PLPPR3: variants seen among roughly 807,000 people sequenced by gnomAD.
PLPPR3 encodes phospholipid phosphatase-related protein type 3.
PLPPR3 carries 14 observed loss-of-function variants against 27.3 expected under a neutral mutation model. The ratio of observed to expected loss-of-function variants is 0.51; its 90% CI spans 0.34 to 0.80. PLPPR3 has a LOEUF of 0.80. Among genes scored for constraint, PLPPR3 ranks in the 30% least tolerant of loss-of-function variants. The pLI is 0.01. For synonymous variants in PLPPR3, 671 were observed against 508.0 expected (o/e 1.32, Z -4.32); for missense variants, 1,287 against 1,056.9 (o/e 1.22, Z -3.02).
chr19:823,458 A>AAACAAAAAAAC (rs2035179509), upstream of PLPPR3, among the ~76,000 whole-genome samples: 1 of 150,888 alleles, frequency 6.6e-6, no homozygotes, highest in Non-Finnish European at 1.5e-5. Flanking sequence ...AAAAAAAAAA[A>AAACAAAAAAAC]CAAACAAACA....
intron 2 of PLPPR3, among the ~76,000 whole-genome samples, chr19:817,364 CCAGGT>C (rs2035078292): frequency 1.3e-5 from 2 of 152,140 alleles, no homozygotes; most frequent in South Asian, 4.1e-4. Context: ...AACTCCGCCT[CCAGGT>C]TCAAGAGATC....
Position 815,238 on chromosome 19 carries a change from G to A in PLPPR3, c.351C>T (p.Asn117=), listed in dbSNP as rs145248989. 2.8e-3 allele frequency: 4,473 copies of A among 1,588,488 alleles called. 159 individuals carry two copies. The Admixed American group carries it at 0.063, about 22-fold the overall frequency. ...AGGAGTTGAAGTTGCAGCCGCCGGC[G>A]TTGATGCTGCCCTCCGCCCCGGCGG... The part of the protein sequence containing the change: ...GGPAGAEGSI[N]AGGCNFNSFL... The change falls in exon 4 of 8, where the codon AAC becomes AAT. Residue 117 remains asparagine (N), a synonymous_variant. Coordinates refer to ENST00000520876, the MANE Select transcript of PLPPR3 (RefSeq NM_001270366.2).
intron 2 of PLPPR3, among the ~76,000 whole-genome samples, chr19:816,914 A>G (rs1417218688): frequency 6.9e-6 from 1 of 144,852 alleles, no homozygotes; most frequent in African/African-American, 2.5e-5. Flanking sequence ...CTGTCCATCC[A>G]TCCACCCATC....
chr19:817,495 A>C (rs921523853), intron 2 of PLPPR3, among the ~76,000 whole-genome samples: 3 of 152,106 alleles, frequency 2.0e-5, no homozygotes, highest in African/African-American at 7.2e-5. Flanking sequence ...GCTGCCCTCG[A>C]ACTTCTGACC....
chr19:821,354 A>C (rs936014600), intron 2 of PLPPR3, 131 bp downstream of exon 2: 5 of 565,974 alleles, frequency 8.8e-6, no homozygotes, highest in East Asian at 4.0e-5. Context: ...TCCGCCGGAC[A>C]CCCCGGTCCT....
chr19:813,376 C>T lies in PLPPR3; in HGVS notation c.1351G>A (p.Glu451Lys). 2 of 1,496,850 alleles carry T rather than the reference C, an allele frequency of 1.3e-6. No individual in the cohort carries two copies. Among genetic ancestry groups the T allele is most frequent in the Non-Finnish European group, 1.8e-6 (2 of 1,130,962 alleles). 92.7% of individuals were successfully genotyped at this position (1,496,850 alleles called of 1,614,324 possible). ...EEEEEEEDEEEEEEEEEEEDE... is the reference protein window; with the variant it reads ...EEEEEEEDEEKEEEEEEEEDE... Reference sequence around the variant, plus strand: ...TCCTCCTCTTCCTCCTCCTCCTCTTCCTCTTCGTCCTCCTCCTCTTCCTCC... The same window carrying T: ...TCCTCCTCTTCCTCCTCCTCCTCTTTCTCTTCGTCCTCCTCCTCTTCCTCC... Residue 451 changes from glutamate (E) to lysine (K), a missense_variant, in exon 8 of 8, where the codon GAA (glutamate) becomes AAA (lysine). By Grantham distance (56) the Glu-to-Lys change is moderately conservative. Transcript: ENST00000520876. This position sits in a 1 kb window ranked among gnomAD's most constrained non-coding sequence, Gnocchi z 4.1.
intron 7 of PLPPR3, among the ~76,000 whole-genome samples, chr19:814,181 C>T (rs999386598): frequency 1.3e-5 from 2 of 151,724 alleles, no homozygotes; most frequent in East Asian, 1.9e-4. Context: ...CCTGGGCACC[C>T]GTGCCTCCCC....
Position 813,383 on chromosome 19 carries a change from G to T in PLPPR3, c.1344C>A (p.Asp448Glu). Residue 448 changes from aspartate (D) to glutamate (E), a missense_variant, in exon 8 of 8, where the codon GAC (aspartate) becomes GAA (glutamate). By Grantham distance (45) the Asp-to-Glu change is conservative. Transcript: ENST00000520876. This position sits in a 1 kb window ranked among gnomAD's most constrained non-coding sequence, Gnocchi z 4.1. ...CTTCCTCCTCCTCCTCTTCCTCTTC[G>T]TCCTCCTCCTCTTCCTCCTCCTCCG... ...PMAEEEEEEE[D>E]EEEEEEEEEE... The T allele has an allele frequency of 6.7e-7, 1 of 1,497,604 alleles. No individual in the cohort carries two copies. 92.8% of individuals were successfully genotyped at this position (1,497,604 alleles called of 1,614,324 possible). A position where few individuals can be genotyped will look rare whatever the true frequency, so the allele number is the denominator to read the frequency against.
intron 2 of PLPPR3, among the ~76,000 whole-genome samples, chr19:818,467 G>A (rs2035095647): frequency 1.3e-5 from 2 of 152,098 alleles, no homozygotes; most frequent in South Asian, 2.1e-4. Flanking sequence ...TTGGGAGGCT[G>A]AGGCAGGAAG....
In PLPPR3 at chr19:813,283, C is replaced by A; in HGVS notation, c.1444G>T (p.Val482Phe). The A allele has an allele frequency of 6.8e-7, 1 of 1,473,814 alleles. No homozygotes were observed. Among genetic ancestry groups the A allele is most frequent in the Non-Finnish European group, 8.9e-7 (1 of 1,123,400 alleles). 91.3% of individuals were successfully genotyped at this position (1,473,814 alleles called of 1,614,324 possible). A position where few individuals can be genotyped will look rare whatever the true frequency, so the allele number is the denominator to read the frequency against. The change falls in exon 8 of 8, where the codon GTC (valine) becomes TTC (phenylalanine). Residue 482 changes from valine (V) to phenylalanine (F), a missense_variant. Transcript: ENST00000520876. The surrounding 1 kb of genome is among the most constrained non-coding windows in gnomAD (Gnocchi z 4.1). ...GGCCCCGCGCGCGGTGGGAGGATGA[C>A]CCGAGGCCCCAGCCCCGGCCGCGCC... ...VQARPGLGPR[V>F]ILPPRAGPPP...
rs777127935 is a variant in PLPPR3 at position 813,005 on chromosome 19, G to T, written c.1722C>A (p.Asp574Glu). The T allele has an allele frequency of 1.3e-6, 2 of 1,516,744 alleles. No individual in the cohort carries two copies. 94.0% of individuals were successfully genotyped at this position (1,516,744 alleles called of 1,614,324 possible). A position where few individuals can be genotyped will look rare whatever the true frequency, so the allele number is the denominator to read the frequency against. ...TGGTCACGATGCTGGCGGAGTCGCG[G>T]TCCGACGGCGACCGGTACTGCGAGG... ...SDSSQYRSPS[D>E]RDSASIVTID... Residue 574 changes from aspartate to glutamate, a missense_variant, in exon 8 of 8, where the codon GAC becomes GAA. Transcript: ENST00000520876. This position sits in a 1 kb window ranked among gnomAD's most constrained non-coding sequence, Gnocchi z 4.1.
At chr19:816,958 A>G (rs1385857900) in intron 2 of PLPPR3, among the ~76,000 whole-genome samples, 3 of 119,008 alleles carry the variant, frequency 2.5e-5, no homozygotes, top group African/African-American at 8.6e-5. Context: ...CCATCCACCC[A>G]TCCATCCATT....
At position 812,541 on chromosome 19, in the gene PLPPR3, G is replaced by GC. The variant is rs1368459316; in HGVS notation, c.*28dup. 4.0e-4 allele frequency: 250 copies of GC among 617,504 alleles called. No homozygotes were observed. The highest frequency in any genetic ancestry group is 5.6e-4 in the South Asian group (8 of 14,318). 38.3% of individuals were successfully genotyped at this position (617,504 alleles called of 1,614,324 possible). On this transcript the variant is annotated 3_prime_UTR_variant, in exon 8 of 8. Transcript: ENST00000520876. ...GCGCGGCCGCCCGCGCCCTCGGCCC[G>GC]CCCCCCGCCCGCCCCCGGCCCCGCC...
At chr19:817,360 G>A (rs536898011) in intron 2 of PLPPR3, among the ~76,000 whole-genome samples, 2 of 151,994 alleles carry the variant, frequency 1.3e-5, no homozygotes, top group African/African-American at 2.4e-5. Context: ...TGCAAACTCC[G>A]CCTCCAGGTT....
chr19:818,474 G>C (rs2035095900), intron 2 of PLPPR3, among the ~76,000 whole-genome samples: 1 of 152,064 alleles, frequency 6.6e-6, no homozygotes, highest in South Asian at 2.1e-4. Context: ...GCTGAGGCAG[G>C]AAGATCACTT....
At chr19:815,609 G>C (rs1337844702) in intron 3 of PLPPR3, 57 bp downstream of exon 3, 2 of 1,493,426 alleles carry the variant, frequency 1.3e-6, no homozygotes, top group Non-Finnish European at 1.8e-6. Context: ...GGTGGCGGGG[G>C]TGGGCTCCCA....
At chr19:818,329 G>A (rs1312559070) in intron 2 of PLPPR3, among the ~76,000 whole-genome samples, 1 of 152,052 alleles carries the variant, frequency 6.6e-6, no homozygotes, top group Non-Finnish European at 1.5e-5. Flanking sequence ...GTTGCAGTGA[G>A]CTGACATTGT....
At chr19:814,304 AC>A in intron 7 of PLPPR3, 129 bp downstream of exon 7, 1 of 801,948 alleles carries the variant, frequency 1.2e-6, no homozygotes, top group Non-Finnish European at 1.8e-6. Context: ...CCCCTGTCAG[AC>A]CCCCTGAGCC....
intron 2 of PLPPR3, among the ~76,000 whole-genome samples, chr19:821,166 C>T (rs1416530180): frequency 6.8e-6 from 1 of 147,100 alleles, no homozygotes; most frequent in Non-Finnish European, 1.5e-5. Flanking sequence ...CCACCCCCTC[C>T]GGCCTCCCCG....
Sources: allele counts gnomAD v4.1 joint callset (sites outside exome capture counted in the v4.1 genomes callset), GRCh38; gene constraint gnomAD v4.1.1; non-coding constraint Gnocchi (gnomAD v3.1); transcripts MANE v1.5; gene names NCBI Gene and HGNC (gene_info 2026-07-23, HGNC 2026-07-21).